Variants in SNTA1 observed in about 807,000 individuals in gnomAD.
SNTA1 encodes the protein alpha-1-syntrophin.
Under a neutral mutation model 47.1 loss-of-function variants are expected in SNTA1, and 31 were observed. That is an observed-to-expected ratio of 0.66 (90% CI 0.49 to 0.89). SNTA1 has a LOEUF of 0.89. Among genes scored for constraint, SNTA1 ranks in the 40% least tolerant of loss-of-function variants. SNTA1 has a pLI of 0.00. For synonymous variants in SNTA1, 300 were observed against 313.6 expected (o/e 0.96, Z 0.46); for missense variants, 575 against 693.0 (o/e 0.83, Z 1.91).
chr20:33,442,868 C>G (rs970589353), intron 1 of SNTA1, among the ~76,000 whole-genome samples: 1 of 152,110 alleles, frequency 6.6e-6, no homozygotes, highest in Non-Finnish European at 1.5e-5. Flanking sequence ...CCTATCCACC[C>G]CTGTGCTTCC....
chr20:33,410,014 C>T (rs763022272), intron 6 of SNTA1, 121 bp downstream of exon 6: 2 of 989,308 alleles, frequency 2.0e-6, no homozygotes, highest in East Asian at 2.5e-5. Flanking sequence ...GATCCACCCA[C>T]CTTGACCTCC....
chr20:33,436,981 A>AAAAAGC (rs1568761227), intron 2 of SNTA1, among the ~76,000 whole-genome samples: 1 of 139,894 alleles, frequency 7.1e-6, no homozygotes, highest in African/African-American at 2.7e-5. Flanking sequence ...AAAAAAAAAA[A>AAAAAGC]AAGCTAGGCG....
chr20:33,424,048 C>T (rs1990099396), intron 2 of SNTA1, among the ~76,000 whole-genome samples: 1 of 152,136 alleles, frequency 6.6e-6, no homozygotes, highest in African/African-American at 2.4e-5. Context: ...GGCGCGGTGG[C>T]TCACACCTGT....
intron 3 of SNTA1, among the ~76,000 whole-genome samples, chr20:33,416,544 C>T (rs924120784): frequency 4.6e-5 from 7 of 152,182 alleles, no homozygotes; most frequent in Non-Finnish European, 1.0e-4. Context: ...ATGGCTCATG[C>T]CTGTAATCCC....
intron 5 of SNTA1, among the ~76,000 whole-genome samples, chr20:33,411,257 C>T (rs182530311): frequency 6.6e-6 from 1 of 152,164 alleles, no homozygotes; most frequent in African/African-American, 2.4e-5. Flanking sequence ...TCCAAGCTCC[C>T]TCTCCATCCC....
Position 33,430,436 on chromosome 20 carries a change from G to A in SNTA1, c.496+8405C>T, listed in dbSNP as rs190427764. On this transcript the variant is annotated intron_variant, in intron 2 of 7. Transcript: ENST00000217381. The stretch of plus-strand genomic sequence containing the variant: ...CCTGAGTAGCTGGGACTACAGGCAC[G>A]CGCTAAATTTTGTATTTTTAGTAGA... Among the ~76,000 whole-genome samples the A allele has an allele frequency of 2.8e-4, 42 of 150,972 alleles. No homozygotes were observed. The East Asian group carries it at 7.8e-3, about 28-fold the overall frequency.
In SNTA1 at chr20:33,408,441, C is replaced by T. The variant is rs1989648021; in HGVS notation, c.*66G>A. 4 of 1,160,110 alleles carry T rather than the reference C, an allele frequency of 3.4e-6. No individual in the cohort carries two copies. Among genetic ancestry groups the T allele is most frequent in the Admixed American group, 1.8e-5 (1 of 56,852 alleles). 71.9% of individuals were successfully genotyped at this position (1,160,110 alleles called of 1,614,324 possible). On this transcript the variant is annotated 3_prime_UTR_variant, in exon 8 of 8. Coordinates refer to ENST00000217381, the MANE Select transcript of SNTA1 (RefSeq NM_003098.3). ...CTCAGCCCAGGGGTGAGCAGGCAGT[C>T]GGTGGAGGCCCAGCTCAGGCCATGT...
intron 2 of SNTA1, among the ~76,000 whole-genome samples, chr20:33,430,844 G>C (rs1990288698): frequency 6.6e-6 from 1 of 151,804 alleles, no homozygotes; most frequent in Non-Finnish European, 1.5e-5. Flanking sequence ...AGCTACTTTA[G>C]AGACTGAGGC....
At chr20:33,416,937 T>TC (rs1344190090) in intron 3 of SNTA1, among the ~76,000 whole-genome samples, 10 of 97,526 alleles carry the variant, frequency 1.0e-4, no homozygotes, top group African/African-American at 4.4e-4. Context: ...TGAGACTCTG[T>TC]CAAAAAAAAA....
intron 2 of SNTA1, among the ~76,000 whole-genome samples, chr20:33,421,587 G>A (rs1990022423): frequency 6.6e-6 from 1 of 151,506 alleles, no homozygotes; most frequent in African/African-American, 2.4e-5. Flanking sequence ...ACTCCAGCCT[G>A]GGCAACAAGA....
rs781029559 is a variant in SNTA1, at chr20:33,415,792, C to CAA, written c.701+1925_701+1926dup. Reference sequence around the variant, plus strand: ...CCTGGCAACAGAGAAGACTCTGTCCCAAAAAAAAAAAAAATACAAAAATTA... The same window carrying CAA: ...CCTGGCAACAGAGAAGACTCTGTCCCAAAAAAAAAAAAAAAATACAAAAATTA... On this transcript the variant is annotated intron_variant, in intron 3 of 7. Transcript: ENST00000217381. 1.6e-4 allele frequency among the ~76,000 whole-genome samples: 21 copies of CAA among 130,504 alleles called. No individual in the cohort carries two copies. In the East Asian group the frequency reaches 3.3e-3, roughly 20 times the overall value. The allele number at this position is 130,504 out of a possible 152,430, so 85.6% of individuals were successfully genotyped here.
At position 33,443,477 on chromosome 20, in the gene SNTA1, G is replaced by T; in HGVS notation, c.144C>A (p.Asp48Glu). 7.3e-7 allele frequency: 1 copy of T among 1,378,918 alleles called. No individual in the cohort carries two copies. Among genetic ancestry groups the T allele is most frequent in the Non-Finnish European group, 9.4e-7 (1 of 1,061,620 alleles). The allele number at this position is 1,378,918 out of a possible 1,614,324, so 85.4% of individuals were successfully genotyped here. ...GCGGAGCGCCGGGCTCGGGACCAGGGTCGCCGTCGGCGGGGCTCACGGTCA... is the reference window on the plus strand; with the variant it reads ...GCGGAGCGCCGGGCTCGGGACCAGGTTCGCCGTCGGCGGGGCTCACGGTCA... ...DVLTVSPADG[D>E]PGPEPGAPRE... The change falls in exon 1 of 8, where the codon GAC (aspartate) becomes GAA (glutamate). Residue 48 changes from aspartate to glutamate, a missense_variant. Asp to Glu is a conservative substitution (Grantham distance 45). Transcript: ENST00000217381.
chr20:33,415,606 AC>A (rs2146768863), intron 3 of SNTA1, among the ~76,000 whole-genome samples: 1 of 149,114 alleles, frequency 6.7e-6, no homozygotes, highest in South Asian at 2.1e-4. Context: ...AACATGGTGA[AC>A]CCCCGTCTCT....
rs1990471382 is a variant in SNTA1, at chr20:33,437,456, T to G, written c.496+1385A>C. ...AAAAAAAAAAAACAAGAAAAAAAAA[T>G]GCATCCATGGCATTTAAATAGATAT... is the stretch of plus-strand genomic sequence containing the variant. On this transcript the variant is annotated intron_variant, in intron 2 of 7. Coordinates refer to ENST00000217381, the MANE Select transcript of SNTA1 (RefSeq NM_003098.3). 2.7e-5 allele frequency among the ~76,000 whole-genome samples: 4 copies of G among 148,604 alleles called. No homozygotes were observed. In the South Asian group the frequency reaches 8.5e-4, roughly 31 times the overall value.
chr20:33,412,626 G>A lies in SNTA1; in HGVS notation c.858C>T (p.Thr286=). The A allele has an allele frequency of 6.2e-7, 1 of 1,614,004 alleles. No individual in the cohort carries two copies. Among genetic ancestry groups the A allele is most frequent in the Non-Finnish European group, 8.5e-7 (1 of 1,180,034 alleles). The change falls in exon 4 of 8, where the codon ACC becomes ACT. Residue 286 remains threonine (T), a synonymous_variant. Coordinates refer to ENST00000217381, the MANE Select transcript of SNTA1 (RefSeq NM_003098.3). ...TGATGTCCTGGCTCCCAGCTGTGCTGGTGGCTGCCAACAGTGCCTGCAGCT... is the reference window on the plus strand; with the variant it reads ...TGATGTCCTGGCTCCCAGCTGTGCTAGTGGCTGCCAACAGTGCCTGCAGCT... The part of the protein sequence containing the change: ...KDELQALLAA[T]STAGSQDIKQ...
chr20:33,417,671 G>C (rs1466010115), intron 3 of SNTA1, 48 bp downstream of exon 3: 1 of 1,385,590 alleles, frequency 7.2e-7, no homozygotes, highest in Admixed American at 1.7e-5. Flanking sequence ...CCCACCACCT[G>C]ACGCCAGGGC....
At chr20:33,414,153 G>A (rs1372481148) in intron 3 of SNTA1, among the ~76,000 whole-genome samples, 6 of 142,710 alleles carry the variant, frequency 4.2e-5, no homozygotes, top group East Asian at 2.2e-4. Context: ...CAGGAGAATC[G>A]CTTGAACCCA....
Position 33,412,288 on chromosome 20 carries a change from G to C in SNTA1, c.1040+8C>G. On this transcript the variant is annotated splice_region_variant and intron_variant, in intron 5 of 7. Transcript: ENST00000217381. ...TGGGGGAGACATACTGCCCCTGCCT[G>C]TGGGTACCTGGTGGCGATGAGTGGG... The C allele has an allele frequency of 6.2e-7, 1 of 1,609,850 alleles. No homozygotes were observed. Among genetic ancestry groups the C allele is most frequent in the Non-Finnish European group, 8.5e-7 (1 of 1,179,126 alleles).
Position 33,412,430 on chromosome 20 carries a change from C to T in SNTA1, c.910-4G>A. ...GGGCTGTGCCCCCACTGGGCAGCTG[C>T]AGAGAACAAAACAGCAGTGAGGATG... On this transcript the variant is annotated splice_polypyrimidine_tract_variant and splice_region_variant and intron_variant, in intron 4 of 7. Transcript: ENST00000217381. 1.9e-6 allele frequency: 3 copies of T among 1,610,748 alleles called. No homozygotes were observed. Among genetic ancestry groups the T allele is most frequent in the Non-Finnish European group, 2.5e-6 (3 of 1,179,252 alleles).
Sources: allele counts gnomAD v4.1 joint callset (sites outside exome capture counted in the v4.1 genomes callset), GRCh38; gene constraint gnomAD v4.1.1; transcripts MANE v1.5; gene names NCBI Gene and HGNC (gene_info 2026-07-23, HGNC 2026-07-21).